CLIC5: variants seen among roughly 807,000 people sequenced by gnomAD.
CLIC5 encodes CLIC family member 5, also known as chloride intracellular channel protein 5.
In CLIC5, 20 loss-of-function variants were observed where a neutral mutation model predicts 24.7. The observed-to-expected ratio is 0.81, with a 90% CI of 0.57 to 1.18. The LOEUF (loss-of-function observed/expected upper bound fraction) is 1.18. Among genes scored for constraint, CLIC5 ranks in the 50% most tolerant of loss-of-function variants. The probability of loss-of-function intolerance (pLI) is 0.00; values close to 1 mark genes in which losing one functional copy is unlikely to be tolerated. For missense variants in CLIC5, 341 were observed against 326.1 expected, an observed-to-expected ratio of 1.05 and a Z score of -0.35; for synonymous variants, 159 against 135.6, an observed-to-expected ratio of 1.17 and a Z score of -1.20.
intron 4 of CLIC5, among the ~76,000 whole-genome samples, chr6:45,930,007 G>A (rs1254223787): frequency 6.6e-6 from 1 of 152,156 alleles, no homozygotes; most frequent in African/African-American, 2.4e-5. Flanking sequence ...CTGGGAGGGA[G>A]GAAGGGGAGA....
intron 1 of CLIC5, among the ~76,000 whole-genome samples, chr6:46,054,939 G>A (rs566653821): frequency 7.2e-5 from 11 of 152,186 alleles, no homozygotes; most frequent in South Asian, 6.2e-4. Flanking sequence ...ATGTTTTGGT[G>A]TATGCAGTCT....
intron 1 of CLIC5, among the ~76,000 whole-genome samples, chr6:46,056,920 C>T (rs193071435): frequency 3.0e-4 from 46 of 152,300 alleles, no homozygotes; most frequent in Admixed American, 1.0e-3. Context: ...TCCTCACCCC[C>T]CAAAAAGACC....
chr6:45,942,290 C>T lies in CLIC5; in HGVS notation c.300-637G>A, dbSNP rs1314137033. On this transcript the variant is annotated intron_variant, in intron 3 of 5. Transcript: ENST00000339561. ...TTTATTTTATTTGGAGATACATTTGCAATGATCCAGCCCCCCTCTCTCTCT... is the reference window on the plus strand; with the variant it reads ...TTTATTTTATTTGGAGATACATTTGTAATGATCCAGCCCCCCTCTCTCTCT... 6.6e-5 allele frequency among the ~76,000 whole-genome samples: 10 copies of T among 152,116 alleles called. No individual in the cohort carries two copies. In the East Asian group the frequency reaches 1.9e-3, roughly 29 times the overall value.
At chr6:45,922,904 T>C (rs3777556) in intron 4 of CLIC5, among the ~76,000 whole-genome samples, 45,785 of 149,962 alleles carry the variant, frequency 0.31, 7,106 homozygotes, top group East Asian at 0.47. Context: ...AGCTCAGGAG[T>C]GATCAGGGGA....
intron 1 of CLIC5, among the ~76,000 whole-genome samples, chr6:46,038,414 C>A (rs1327753556): frequency 1.3e-5 from 2 of 152,172 alleles, no homozygotes; most frequent in Non-Finnish European, 2.9e-5. Flanking sequence ...AGAAAGGGGA[C>A]AACCCAGGCC....
At chr6:46,004,082 T>C (rs1027542866) in intron 1 of CLIC5, among the ~76,000 whole-genome samples, 2 of 152,166 alleles carry the variant, frequency 1.3e-5, no homozygotes, top group Non-Finnish European at 2.9e-5. Flanking sequence ...AATGCAAGAA[T>C]AGTTTCAGTA....
chr6:45,929,492 C>T (rs1763641417), intron 4 of CLIC5, among the ~76,000 whole-genome samples: 1 of 152,204 alleles, frequency 6.6e-6, no homozygotes, highest in South Asian at 2.1e-4. Flanking sequence ...CCCAACAAAC[C>T]AACAAACAAA....
Position 45,912,779 on chromosome 6 carries a change from C to T in CLIC5, c.588+1449G>A. On this transcript the variant is annotated intron_variant, in intron 5 of 5. Transcript: ENST00000339561. ...AATAAAGGATGATGGGTGGGGCATG[C>T]AGTAGTTAATAACTTCAAAGAGACA... The T allele has an allele frequency of 2.2e-6, 3 of 1,348,110 alleles. No individual in the cohort carries two copies. In the Admixed American group the frequency reaches 5.9e-5, roughly 27 times the overall value. The allele number at this position is 1,348,110 out of a possible 1,614,324, so 83.5% of individuals were successfully genotyped here.
chr6:46,126,101 T>C, the CLIC5 span, among the ~76,000 whole-genome samples: 12 of 152,090 alleles, frequency 7.9e-5, no homozygotes, highest in Non-Finnish European at 1.6e-4. Flanking sequence ...ACCTCTTCCA[T>C]TTGGGACAAA....
chr6:46,004,344 T>C (rs970036764), intron 1 of CLIC5, among the ~76,000 whole-genome samples: 2 of 152,168 alleles, frequency 1.3e-5, no homozygotes, highest in African/African-American at 2.4e-5. Context: ...CAGCTTCCCT[T>C]GCACAGAGGA....
chr6:45,906,313 T>C (rs1427620666), intron 5 of CLIC5, among the ~76,000 whole-genome samples: 1 of 152,186 alleles, frequency 6.6e-6, no homozygotes, highest in East Asian at 1.9e-4. Context: ...AGTATGGCCA[T>C]TTTATCAATA....
At chr6:45,988,702 A>C (rs1203807166) in intron 1 of CLIC5, among the ~76,000 whole-genome samples, 1 of 152,244 alleles carries the variant, frequency 6.6e-6, no homozygotes, top group African/African-American at 2.4e-5. Context: ...AATTAGAAAG[A>C]GTATGAAATC....
At chr6:45,941,260 G>A (rs1413593598) in intron 4 of CLIC5, among the ~76,000 whole-genome samples, 3 of 152,218 alleles carry the variant, frequency 2.0e-5, no homozygotes, top group South Asian at 2.1e-4. Flanking sequence ...GCACTATGCT[G>A]TGCAATAAGG....
intron 4 of CLIC5, among the ~76,000 whole-genome samples, chr6:45,917,260 C>T: frequency 6.6e-6 from 1 of 152,168 alleles, no homozygotes; most frequent in East Asian, 1.9e-4. Context: ...CCTGTTAAGA[C>T]CACTGCTGGG....
At chr6:46,053,538 A>G (rs1581903173) in intron 1 of CLIC5, among the ~76,000 whole-genome samples, 1 of 152,278 alleles carries the variant, frequency 6.6e-6, no homozygotes, top group South Asian at 2.1e-4. Context: ...ATGATCTCTG[A>G]AGTTGCTTAT....
chr6:46,125,071 A>T, the CLIC5 span, among the ~76,000 whole-genome samples: 1 of 152,098 alleles, frequency 6.6e-6, no homozygotes, highest in Non-Finnish European at 1.5e-5. Flanking sequence ...GCCATCCCAT[A>T]ACTAGGTATA....
chr6:45,986,154 G>A (rs1259184646), intron 1 of CLIC5, among the ~76,000 whole-genome samples: 2 of 152,190 alleles, frequency 1.3e-5, no homozygotes. Context: ...AAATTACTCA[G>A]TCTTGGGTAT....
chr6:46,043,363 A>C (rs1056917795), intron 1 of CLIC5, among the ~76,000 whole-genome samples: 3 of 152,228 alleles, frequency 2.0e-5, no homozygotes, highest in Non-Finnish European at 4.4e-5. Flanking sequence ...ATTACACAGA[A>C]GGGAACTAGA....
chr6:45,922,827 GAGAGAGAT>G (rs1018750468), intron 4 of CLIC5, among the ~76,000 whole-genome samples: 4 of 146,560 alleles, frequency 2.7e-5, no homozygotes, highest in South Asian at 2.2e-4. Context: ...GAGAGAAAGA[GAGAGAGAT>G]AGAGAGAGAG....
Sources: gnomAD v4.1 joint callset for allele counts (sites outside exome capture counted in the v4.1 genomes callset) on GRCh38, gnomAD v4.1.1 for gene constraint, MANE v1.5 for transcripts, NCBI Gene and HGNC (gene_info 2026-07-23, HGNC 2026-07-21) for gene names.